TRPC4: variants seen among roughly 807,000 people sequenced by gnomAD.
TRPC4 encodes short transient receptor potential channel 4.
Under a neutral mutation model 99.4 loss-of-function variants are expected in TRPC4, and 49 were observed. That is an observed-to-expected ratio of 0.49 (90% CI 0.39 to 0.63). The LOEUF (loss-of-function observed/expected upper bound fraction) is 0.63. Among genes scored for constraint, TRPC4 ranks in the 20% least tolerant of loss-of-function variants. The probability of loss-of-function intolerance (pLI) is 0.00; values close to 1 mark genes in which losing one functional copy is unlikely to be tolerated. For synonymous variants in TRPC4, 454 were observed against 425.9 expected (o/e 1.07, Z -0.81); for missense variants, 898 against 1,152.9 (o/e 0.78, Z 3.20).
At chr13:37,782,086 C>A (rs1328197318) in intron 2 of TRPC4, among the ~76,000 whole-genome samples, 2 of 151,978 alleles carry the variant, frequency 1.3e-5, no homozygotes, top group African/African-American at 4.8e-5. Context: ...AGTGTCTTTG[C>A]AGTTAGTCAA....
chr13:37,868,519 G>T (rs2139752142), intron 1 of TRPC4, among the ~76,000 whole-genome samples: 1 of 152,174 alleles, frequency 6.6e-6, no homozygotes, highest in East Asian at 1.9e-4. Flanking sequence ...TTTGCTTAAA[G>T]AATTTGTAAT....
intron 1 of TRPC4, among the ~76,000 whole-genome samples, chr13:37,789,553 T>TA (rs1957058190): frequency 6.6e-6 from 1 of 152,190 alleles, no homozygotes; most frequent in Admixed American, 6.6e-5. Flanking sequence ...ATTATACTCT[T>TA]AGAGTTTTAC....
chr13:37,641,684 G>A (rs989215013), intron 8 of TRPC4, among the ~76,000 whole-genome samples: 10 of 152,060 alleles, frequency 6.6e-5, no homozygotes, highest in African/African-American at 2.2e-4. Context: ...GAGAAAGTGT[G>A]GTGTGATATT....
rs1193083488 is a variant in TRPC4 at position 37,783,273 on chromosome 13, T to C, written c.61A>G (p.Arg21Gly). Residue 21 changes from arginine (R) to glycine (G), a missense_variant, in exon 2 of 11, where the codon AGG becomes GGG. Around this residue, in one of 3 missense-constraint regions of TRPC4, gnomAD observed 278 missense variants for 346.6 expected, o/e 0.80. Transcript: ENST00000379705. Reference protein sequence around the residue: ...NAPYRDRIPLRIVRAESELSP... With the variant: ...NAPYRDRIPLGIVRAESELSP... ...AGTTCTGATTCTGCTCTTACTATCCTTAGAGGGATGCGGTCTCTATAGGGA... is the reference window on the plus strand; with the variant it reads ...AGTTCTGATTCTGCTCTTACTATCCCTAGAGGGATGCGGTCTCTATAGGGA... The C allele has an allele frequency of 6.2e-7, 1 of 1,613,264 alleles. No homozygotes were observed. Among genetic ancestry groups the C allele is most frequent in the Admixed American group, 1.7e-5 (1 of 59,844 alleles).
At chr13:37,837,063 A>G (rs1019130508) in intron 1 of TRPC4, among the ~76,000 whole-genome samples, 1 of 152,204 alleles carries the variant, frequency 6.6e-6, no homozygotes, top group Non-Finnish European at 1.5e-5. Flanking sequence ...CAGCTCCCAC[A>G]TGGTGTTGAG....
At chr13:37,700,861 G>A (rs1416872984) in intron 3 of TRPC4, among the ~76,000 whole-genome samples, 1 of 152,064 alleles carries the variant, frequency 6.6e-6, no homozygotes, top group East Asian at 1.9e-4. Flanking sequence ...TTCCTTTTAT[G>A]CTCTCTAATC....
intron 1 of TRPC4, among the ~76,000 whole-genome samples, chr13:37,827,807 C>G (rs888905198): frequency 7.2e-5 from 11 of 151,980 alleles, no homozygotes; most frequent in South Asian, 6.3e-4. Flanking sequence ...CACCCAGTTC[C>G]AGCTTCCCAG....
intron 7 of TRPC4, among the ~76,000 whole-genome samples, chr13:37,654,871 T>G (rs1466476319): frequency 6.6e-6 from 1 of 152,218 alleles, no homozygotes; most frequent in Non-Finnish European, 1.5e-5. Flanking sequence ...ATTTGGTTTA[T>G]CTTTGTAATC....
chr13:37,696,016 T>C, intron 3 of TRPC4, among the ~76,000 whole-genome samples: 1 of 152,192 alleles, frequency 6.6e-6, no homozygotes. Flanking sequence ...GATAAAGACA[T>C]ACCCGAAACT....
intron 1 of TRPC4, among the ~76,000 whole-genome samples, chr13:37,837,452 A>G (rs866309651): frequency 6.6e-6 from 1 of 152,202 alleles, no homozygotes; most frequent in Non-Finnish European, 1.5e-5. Flanking sequence ...CCCACCTCTT[A>G]CCTCAGCATG....
intron 3 of TRPC4, among the ~76,000 whole-genome samples, chr13:37,712,750 A>T (rs1954525584): frequency 6.6e-6 from 1 of 152,156 alleles, no homozygotes; most frequent in South Asian, 2.1e-4. Flanking sequence ...AAGCATGTCT[A>T]GAGAAGGGTG....
intron 4 of TRPC4, among the ~76,000 whole-genome samples, chr13:37,691,042 T>G (rs2138871562): frequency 6.6e-6 from 1 of 152,278 alleles, no homozygotes; most frequent in African/African-American, 2.4e-5. Context: ...AAATGCAAAT[T>G]TTAACCATGG....
At chr13:37,755,788 T>A (rs1308438811) in intron 2 of TRPC4, among the ~76,000 whole-genome samples, 1 of 152,160 alleles carries the variant, frequency 6.6e-6, no homozygotes, top group East Asian at 1.9e-4. Flanking sequence ...GAATATCCCT[T>A]GTAACACGAA....
At chr13:37,802,384 AT>A (rs1957427885) in intron 1 of TRPC4, among the ~76,000 whole-genome samples, 1 of 151,960 alleles carries the variant, frequency 6.6e-6, no homozygotes. Flanking sequence ...ATATTCTCCA[AT>A]TTTGTGACAA....
chr13:37,678,346 A>C (rs1953127397), intron 4 of TRPC4, among the ~76,000 whole-genome samples: 5 of 152,098 alleles, frequency 3.3e-5, no homozygotes, highest in Admixed American at 3.3e-4. Context: ...TTAAGTGGTC[A>C]ATAAAATTGA....
intron 1 of TRPC4, among the ~76,000 whole-genome samples, chr13:37,834,955 G>A (rs757803196): frequency 5.3e-5 from 8 of 151,916 alleles, no homozygotes; most frequent in Admixed American, 1.3e-4. Flanking sequence ...GGCTGGTCTT[G>A]AACTCCTGGC....
At chr13:37,652,245 G>C (rs992761814) in intron 7 of TRPC4, among the ~76,000 whole-genome samples, 3 of 152,170 alleles carry the variant, frequency 2.0e-5, no homozygotes, top group African/African-American at 7.2e-5. Context: ...AGTAGGAGGT[G>C]GTAGAGACTG....
chr13:37,853,546 A>G (rs1959109645), intron 1 of TRPC4, among the ~76,000 whole-genome samples: 1 of 152,172 alleles, frequency 6.6e-6, no homozygotes, highest in African/African-American at 2.4e-5. Flanking sequence ...AAGAATATGC[A>G]GGAAAATATA....
chr13:37,755,290 G>T (rs983004091), intron 2 of TRPC4, among the ~76,000 whole-genome samples: 1 of 150,070 alleles, frequency 6.7e-6, no homozygotes, highest in Non-Finnish European at 1.5e-5. Context: ...GAAGAAATAG[G>T]GTCTCACTCT....
Sources: allele counts gnomAD v4.1 joint callset (sites outside exome capture counted in the v4.1 genomes callset), GRCh38; gene constraint gnomAD v4.1.1; regional missense constraint gnomAD v4.1.1; transcripts MANE v1.5; gene names NCBI Gene and HGNC (gene_info 2026-07-23, HGNC 2026-07-21).